Variants in FGR observed in about 807,000 individuals in gnomAD.
The protein encoded by FGR is FGR proto-oncogene, Src family tyrosine kinase.
Under a neutral mutation model 63.2 loss-of-function variants are expected in FGR, and 26 were observed. The observed-to-expected ratio is 0.41, with a 90% CI of 0.30 to 0.57. The LOEUF is 0.57. FGR is among the 20% of genes least tolerant of loss of function. The probability of loss-of-function intolerance (pLI) is 0.27; values close to 1 mark genes in which losing one functional copy is unlikely to be tolerated. For missense variants in FGR, 511 were observed against 690.8 expected, an observed-to-expected ratio of 0.74 and a Z score of 2.92; for synonymous variants, 286 against 277.7, an observed-to-expected ratio of 1.03 and a Z score of -0.30.
intron 5 of FGR, among the ~76,000 whole-genome samples, chr1:27,619,014 C>A (rs2089870026): frequency 6.6e-6 from 1 of 152,120 alleles, no homozygotes; most frequent in Non-Finnish European, 1.5e-5. Context: ...TCTCTTGTTT[C>A]CTGAAGCTTC....
chr1:27,627,014 C>CT (rs1004438281), intron 1 of FGR, among the ~76,000 whole-genome samples: 5 of 150,608 alleles, frequency 3.3e-5, no homozygotes, highest in Middle Eastern at 3.4e-3. Flanking sequence ...AAAAAAAAAT[C>CT]TTTTTTTAAT....
In FGR at chr1:27,615,887, C is replaced by T. The variant is rs1394748343; in HGVS notation, c.683-43G>A. 1 of 1,513,668 alleles carries T rather than the reference C, an allele frequency of 6.6e-7. No homozygotes were observed. Among genetic ancestry groups the T allele is most frequent in the South Asian group, 1.3e-5 (1 of 79,254 alleles). The allele number at this position is 1,513,668 out of a possible 1,614,324, so 93.8% of individuals were successfully genotyped here. On this transcript the variant is annotated intron_variant, in intron 7 of 12. Coordinates refer to ENST00000374005, the MANE Select transcript of FGR (RefSeq NM_005248.3). This position sits in a 1 kb window ranked among gnomAD's most constrained non-coding sequence, Gnocchi z 7.6. ...AAGTAGAGTCACAGGTGGGCCAGGACACCCCCCTCCACTCCTTATCCTATC... is the reference window on the plus strand; with the variant it reads ...AAGTAGAGTCACAGGTGGGCCAGGATACCCCCCTCCACTCCTTATCCTATC...
At chr1:27,613,372 G>A (rs1314884358) in intron 11 of FGR, 22 bp from the exon 12 acceptor site, 2 of 1,611,982 alleles carry the variant, frequency 1.2e-6, no homozygotes, top group South Asian at 2.2e-5. Context: ...GGGGGAGCAG[G>A]GAAAGTTAGT....
At chr1:27,621,882 C>T (rs1458281693) in intron 4 of FGR, among the ~76,000 whole-genome samples, 2 of 152,214 alleles carry the variant, frequency 1.3e-5, no homozygotes, top group Non-Finnish European at 2.9e-5. Flanking sequence ...GGGCTCTTAG[C>T]TTCTTCCTTG....
chr1:27,626,111 G>C (rs1203154267), intron 1 of FGR: 1 of 398,594 alleles, frequency 2.5e-6, no homozygotes. Context: ...GGCTACCAGA[G>C]TACCTTGGGA....
chr1:27,627,460 ACAC>A (rs1436399936), intron 1 of FGR, among the ~76,000 whole-genome samples: 7 of 151,958 alleles, frequency 4.6e-5, no homozygotes, highest in African/African-American at 1.7e-4. Context: ...ACACACACAC[ACAC>A]ACACACACAC....
rs752356385 is a variant in FGR at position 27,621,542 on chromosome 1, C to T, written c.428+17G>A. 1 of 1,598,212 alleles carries T rather than the reference C, an allele frequency of 6.3e-7. No individual in the cohort carries two copies. The highest frequency in any genetic ancestry group is 8.6e-7 in the Non-Finnish European group (1 of 1,165,732). On this transcript the variant is annotated intron_variant, in intron 5 of 12. Transcript: ENST00000374005. ...GGTCCTGTCCATAGGGCTGGTCTTGCCCCAATCCCTACTTACTCTTCAGCT... is the reference window on the plus strand; with the variant it reads ...GGTCCTGTCCATAGGGCTGGTCTTGTCCCAATCCCTACTTACTCTTCAGCT...
In FGR at chr1:27,615,988, C is replaced by T. The variant is rs1393128494; in HGVS notation, c.683-144G>A. 6.8e-6 allele frequency: 6 copies of T among 877,366 alleles called. No homozygotes were observed. The highest frequency in any genetic ancestry group is 8.4e-6 in the Non-Finnish European group (5 of 595,248). The allele number at this position is 877,366 out of a possible 1,614,324, so 54.3% of individuals were successfully genotyped here. On this transcript the variant is annotated intron_variant, in intron 7 of 12. Coordinates refer to ENST00000374005, the MANE Select transcript of FGR (RefSeq NM_005248.3). This position sits in a 1 kb window ranked among gnomAD's most constrained non-coding sequence, Gnocchi z 7.6. ...TGAGGTCACAGGCCAGGAAGAAAGGCAACCCGATCCACTAAATAGGGGAAC... is the reference window on the plus strand; with the variant it reads ...TGAGGTCACAGGCCAGGAAGAAAGGTAACCCGATCCACTAAATAGGGGAAC...
At position 27,621,648 on chromosome 1, in the gene FGR, G is replaced by C; in HGVS notation, c.339C>G (p.Asp113Glu). The change falls in exon 5 of 13, where the codon GAC (aspartate) becomes GAG (glutamate). Residue 113 changes from aspartate (D) to glutamate (E), a missense_variant. Physicochemically the swap from Asp to Glu is conservative, Grantham distance 45. Coordinates refer to ENST00000374005, the MANE Select transcript of FGR (RefSeq NM_005248.3). The stretch of plus-strand genomic sequence containing the variant: ...AGCTGAGAGACCGAGCCTCCCACCA[G>C]TCACCTTCACTGTAGGCACAGAACA... Reference protein sequence around the residue: ...KFHILNNTEGDWWEARSLSSG... With the variant: ...KFHILNNTEGEWWEARSLSSG... 1.9e-6 allele frequency: 3 copies of C among 1,613,628 alleles called. No homozygotes were observed. The highest frequency in any genetic ancestry group is 1.7e-6 in the Non-Finnish European group (2 of 1,179,654).
intron 1 of FGR, among the ~76,000 whole-genome samples, chr1:27,625,648 C>T (rs912354451): frequency 6.6e-6 from 1 of 152,166 alleles, no homozygotes; most frequent in African/African-American, 2.4e-5. Flanking sequence ...CTCCTAAAAA[C>T]CAGTTCTTCC....
intron 11 of FGR, 65 bp downstream of exon 11, chr1:27,614,365 G>T: frequency 3.9e-6 from 6 of 1,552,158 alleles, no homozygotes; most frequent in South Asian, 3.6e-5. Context: ...TCCTGAGTGC[G>T]TGGGGCCCCA....
chr1:27,629,312 C>A (rs2090071404), intron 1 of FGR, among the ~76,000 whole-genome samples: 2 of 152,180 alleles, frequency 1.3e-5, no homozygotes, highest in African/African-American at 4.8e-5. Flanking sequence ...ACCAAAGTGA[C>A]TTCCTGAAAG....
rs1475319902 is a variant in FGR at position 27,613,008 on chromosome 1, G to A, written c.1496C>T (p.Pro499Leu). The A allele has an allele frequency of 6.2e-7, 1 of 1,614,064 alleles. No homozygotes were observed. The highest frequency in any genetic ancestry group is 8.5e-7 in the Non-Finnish European group (1 of 1,180,018). The change falls in exon 13 of 13, where the codon CCG (proline) becomes CTG (leucine). Residue 499 changes from proline to leucine, a missense_variant. Pro to Leu is a moderately conservative substitution (Grantham distance 98). Coordinates refer to ENST00000374005, the MANE Select transcript of FGR (RefSeq NM_005248.3). ...GTACTCGAAGGTAGGCCTCTCCTCC[G>A]GGTCCAGACGCCAGGTCTGTTCCAT... ...EAMEQTWRLD[P>L]EERPTFEYLQ...
rs897655283 is a variant in FGR at position 27,615,047 on chromosome 1, C to G, written c.1019-121G>C. On this transcript the variant is annotated intron_variant, in intron 9 of 12. Coordinates refer to ENST00000374005, the MANE Select transcript of FGR (RefSeq NM_005248.3). This position sits in a 1 kb window ranked among gnomAD's most constrained non-coding sequence, Gnocchi z 7.6. ...GACCCGCCCCTCACTTAGGACCCCG[C>G]GGGTGCCTCAACCCCTCACTTGTCT... 2.6e-6 allele frequency: 2 copies of G among 766,638 alleles called. No homozygotes were observed. The highest frequency in any genetic ancestry group is 4.5e-6 in the Non-Finnish European group (2 of 447,390). 47.5% of individuals were successfully genotyped at this position (766,638 alleles called of 1,614,324 possible).
chr1:27,634,281 G>A (rs3737803), intron 1 of FGR, among the ~76,000 whole-genome samples: 13,281 of 152,236 alleles, frequency 0.087, 837 homozygotes, highest in East Asian at 0.32. Context: ...ATCCAGCGGG[G>A]AGCGCGGGCC....
chr1:27,632,979 A>G (rs1362305962), intron 1 of FGR, among the ~76,000 whole-genome samples: 1 of 152,130 alleles, frequency 6.6e-6, no homozygotes, highest in Non-Finnish European at 1.5e-5. Context: ...TTCCTTTGCC[A>G]CATCAGCCCC....
rs2231880 is a variant in FGR at position 27,615,644 on chromosome 1, T to G, written c.839-31A>C. ...CGGAGGCTGTCTTGTCAGGACCCTC[T>G]CCCCCGAGCCCAGGCCCTCGTCCCG... On this transcript the variant is annotated intron_variant, in intron 8 of 12. Coordinates refer to ENST00000374005, the MANE Select transcript of FGR (RefSeq NM_005248.3). This position sits in a 1 kb window ranked among gnomAD's most constrained non-coding sequence, Gnocchi z 7.6. 0.047 allele frequency: 74,999 copies of G among 1,594,064 alleles called. 2,035 individuals carry two copies. The highest frequency in any genetic ancestry group is 0.055 in the Non-Finnish European group (64,257 of 1,164,482).
chr1:27,619,526 C>T (rs2089881892), intron 5 of FGR, among the ~76,000 whole-genome samples: 1 of 152,200 alleles, frequency 6.6e-6, no homozygotes, highest in Non-Finnish European at 1.5e-5. Flanking sequence ...TCTTTACTCT[C>T]ATGAGTCCCA....
intron 1 of FGR, among the ~76,000 whole-genome samples, chr1:27,634,621 A>C (rs1571414109): frequency 9.8e-5 from 13 of 132,176 alleles, no homozygotes; most frequent in South Asian, 2.5e-4. Context: ...TCCCTCCAGC[A>C]CCCCCACCCA....
Sources: allele counts gnomAD v4.1 joint callset (sites outside exome capture counted in the v4.1 genomes callset), GRCh38; gene constraint gnomAD v4.1.1; non-coding constraint Gnocchi (gnomAD v3.1); transcripts MANE v1.5; gene names NCBI Gene and HGNC (gene_info 2026-07-23, HGNC 2026-07-21).